MTIF2: variants seen among roughly 807,000 people sequenced by gnomAD.
MTIF2 encodes the protein translation initiation factor IF-2, mitochondrial.
MTIF2 carries 71 observed loss-of-function variants against 83.5 expected under a neutral mutation model. The ratio of observed to expected loss-of-function variants is 0.85; its 90% CI spans 0.70 to 1.04. The LOEUF is 1.04. MTIF2 is among the 50% of genes least tolerant of loss of function. The pLI, the probability that MTIF2 is intolerant of heterozygous loss-of-function variation, is 0.00. For missense variants in MTIF2, 957 were observed against 846.5 expected (o/e 1.13, Z -1.62); for synonymous variants, 319 against 287.1 (o/e 1.11, Z -1.12).
chr2:55,249,929 T>C (rs1676975515), intron 8 of MTIF2, among the ~76,000 whole-genome samples: 1 of 151,836 alleles, frequency 6.6e-6, no homozygotes, highest in Non-Finnish European at 1.5e-5. Context: ...CCGTCTCTAC[T>C]AAAAAATACA....
intron 4 of MTIF2, among the ~76,000 whole-genome samples, chr2:55,262,717 A>ATT (rs1294589919): frequency 3.6e-5 from 2 of 55,480 alleles, no homozygotes; most frequent in Non-Finnish European, 5.4e-5. Context: ...TAATTTTTGT[A>ATT]TTTTTTTTTT....
chr2:55,241,645 C>T (rs1460363364), intron 13 of MTIF2, among the ~76,000 whole-genome samples: 1 of 152,014 alleles, frequency 6.6e-6, no homozygotes, highest in Admixed American at 6.6e-5. Context: ...GAGTTTGAGA[C>T]CAAACTGGCC....
chr2:55,265,581 C>A (rs1678371197), intron 3 of MTIF2, among the ~76,000 whole-genome samples: 1 of 151,766 alleles, frequency 6.6e-6, no homozygotes, highest in East Asian at 1.9e-4. Flanking sequence ...GTGGGTATAG[C>A]CTTTTAGACT....
At chr2:55,256,020 G>A (rs1014717389) in intron 5 of MTIF2, among the ~76,000 whole-genome samples, 1 of 151,938 alleles carries the variant, frequency 6.6e-6, no homozygotes, top group Non-Finnish European at 1.5e-5. Flanking sequence ...GGGACTGCAA[G>A]TGCACGCCAC....
chr2:55,238,433 C>G (rs1676056338), intron 14 of MTIF2, among the ~76,000 whole-genome samples: 1 of 149,310 alleles, frequency 6.7e-6, no homozygotes, highest in Admixed American at 6.7e-5. Flanking sequence ...TCTTGTTGCC[C>G]AGGCTGGAGT....
At position 55,257,712 on chromosome 2, in the gene MTIF2, T is replaced by A. The variant is rs1357080009; in HGVS notation, c.332-2887A>T. Among the ~76,000 whole-genome samples, 5 of 152,314 alleles carry A rather than the reference T, an allele frequency of 3.3e-5. 1 individual carries two copies. The highest frequency in any genetic ancestry group is 1.2e-4 in the African/African-American group (5 of 41,578). ...GTTGGGAGTCTTTTTACCATATAGA[T>A]ATGACAGGCATAAATAACCTTGAGA... On this transcript the variant is annotated intron_variant, in intron 5 of 15. Transcript: ENST00000263629.
intron 5 of MTIF2, among the ~76,000 whole-genome samples, chr2:55,261,848 C>G (rs1033698485): frequency 8.2e-5 from 12 of 145,808 alleles, no homozygotes; most frequent in Non-Finnish European, 1.8e-4. Context: ...TGAGGCTGAA[C>G]GATTGTTTTG....
At chr2:55,248,165 A>G (rs1208442446) in intron 9 of MTIF2, among the ~76,000 whole-genome samples, 1 of 152,224 alleles carries the variant, frequency 6.6e-6, no homozygotes, top group African/African-American at 2.4e-5. Flanking sequence ...CTAGGCTTAC[A>G]GGCATAAGTC....
intron 3 of MTIF2, among the ~76,000 whole-genome samples, 194 bp from the exon 4 acceptor site, chr2:55,264,059 ACTAG>A (rs1439992828): frequency 1.3e-5 from 2 of 152,180 alleles, no homozygotes; most frequent in Non-Finnish European, 2.9e-5. Context: ...CTCTCTAAAT[ACTAG>A]CTATTATTAT....
chr2:55,265,430 C>A (rs1054469617), intron 3 of MTIF2, among the ~76,000 whole-genome samples: 2 of 151,644 alleles, frequency 1.3e-5, no homozygotes, highest in Non-Finnish European at 2.9e-5. Flanking sequence ...ACACGAGACA[C>A]TACCTATGAT....
At chr2:55,265,141 G>A (rs189721009) in intron 3 of MTIF2, among the ~76,000 whole-genome samples, 41 of 151,694 alleles carry the variant, frequency 2.7e-4, no homozygotes, top group Admixed American at 1.8e-3. Flanking sequence ...TACCCAGAAG[G>A]CTGAGGCAGG....
At chr2:55,254,316 A>G (rs773663632) in intron 6 of MTIF2, 115 bp from the exon 7 acceptor site, 22 of 1,180,436 alleles carry the variant, frequency 1.9e-5, no homozygotes, top group African/African-American at 3.2e-5. Context: ...CCCAATATTC[A>G]GTGTGGATTA....
At position 55,240,086 on chromosome 2, in the gene MTIF2, T is replaced by C. The variant is rs764394706; in HGVS notation, c.1795A>G (p.Ile599Val). 2 of 1,613,830 alleles carry C rather than the reference T, an allele frequency of 1.2e-6. No individual in the cohort carries two copies. The highest frequency in any genetic ancestry group is 1.1e-5 in the South Asian group (1 of 91,060). ...TGCAAATCTTCAACAAGACGGTAAA[T>C]TATTTTGTGAAGTTTAATTTTTACT... ...KGVKIKLHKI[I>V]YRLVEDLQEE... The change falls in exon 14 of 16, where the codon ATT (isoleucine) becomes GTT (valine). Residue 599 changes from isoleucine (I) to valine (V), a missense_variant. Ile to Val is a conservative substitution (Grantham distance 29). Around this residue, in one of 3 missense-constraint regions of MTIF2, gnomAD observed 221 missense variants for 180.6 expected, o/e 1.22. Coordinates refer to ENST00000263629, the MANE Select transcript of MTIF2 (RefSeq NM_002453.3).
At chr2:55,242,861 C>T in intron 13 of MTIF2, 79 bp downstream of exon 13, 1 of 1,445,652 alleles carries the variant, frequency 6.9e-7, no homozygotes, top group Non-Finnish European at 9.4e-7. Context: ...GTGTGACAAG[C>T]CAAGCAACAA....
In MTIF2 at chr2:55,254,155, T is replaced by C. The variant is rs370150458; in HGVS notation, c.550A>G (p.Thr184Ala). 6.2e-7 allele frequency: 1 copy of C among 1,614,172 alleles called. No homozygotes were observed. Among genetic ancestry groups the C allele is most frequent in the Non-Finnish European group, 8.5e-7 (1 of 1,180,014 alleles). ...CCGTGATCAACATGGCCCATTATAG[T>C]AACAACTGGGGACCTTGGGGTTAAT... Reference protein sequence around the residue: ...ALLTPRSPVVTIMGHVDHGKT... With the variant: ...ALLTPRSPVVAIMGHVDHGKT... The change falls in exon 7 of 16, where the codon ACT (threonine) becomes GCT (alanine). Residue 184 changes from threonine (T) to alanine (A), a missense_variant. Physicochemically the swap from Thr to Ala is moderately conservative, Grantham distance 58. Around this residue, in one of 3 missense-constraint regions of MTIF2, gnomAD observed 733 missense variants for 648.7 expected, o/e 1.13. Coordinates refer to ENST00000263629, the MANE Select transcript of MTIF2 (RefSeq NM_002453.3).
In MTIF2 at chr2:55,246,505, A is replaced by G. The variant is rs1454427012; in HGVS notation, c.982-44T>C. 3 of 1,545,934 alleles carry G rather than the reference A, an allele frequency of 1.9e-6. No homozygotes were observed. In the East Asian group the frequency reaches 6.8e-5, roughly 35 times the overall value. On this transcript the variant is annotated intron_variant, in intron 9 of 15. Transcript: ENST00000263629. The stretch of plus-strand genomic sequence containing the variant: ...TTGTTAATACACATTAATAAATATT[A>G]TCTGTAAATGTAAATGCCAGGGACA...
chr2:55,263,168 C>G (rs1417200664), intron 4 of MTIF2, among the ~76,000 whole-genome samples: 1 of 152,190 alleles, frequency 6.6e-6, no homozygotes, highest in East Asian at 1.9e-4. Context: ...GCCATAGCTA[C>G]TATTTCTACC....
chr2:55,252,472 A>G lies in MTIF2; in HGVS notation c.841+5T>C, dbSNP rs766580606. The G allele has an allele frequency of 6.2e-7, 1 of 1,613,618 alleles. No individual in the cohort carries two copies. On this transcript the variant is annotated splice_donor_5th_base_variant and intron_variant, in intron 8 of 15. Transcript: ENST00000263629. Reference sequence around the variant, plus strand: ...AGTAGATCCATTAAGTCAGCCACACAGTACCCTGTGCATCTTTGGCATGCT... The same window carrying G: ...AGTAGATCCATTAAGTCAGCCACACGGTACCCTGTGCATCTTTGGCATGCT...
chr2:55,250,117 A>C (rs750396582), intron 8 of MTIF2, among the ~76,000 whole-genome samples: 1 of 151,866 alleles, frequency 6.6e-6, no homozygotes, highest in African/African-American at 2.4e-5. Context: ...AAACAATACA[A>C]TCATCCCTGG....
Sources: allele counts gnomAD v4.1 joint callset (sites outside exome capture counted in the v4.1 genomes callset), GRCh38; gene constraint gnomAD v4.1.1; regional missense constraint gnomAD v4.1.1; transcripts MANE v1.5; gene names NCBI Gene and HGNC (gene_info 2026-07-23, HGNC 2026-07-21).